Variants in FRK observed in about 807,000 individuals in gnomAD.
FRK encodes fyn related Src family tyrosine kinase.
A neutral mutation model predicts 56.4 loss-of-function variants in FRK; 51 were observed. The ratio of observed to expected loss-of-function variants is 0.90; its 90% confidence interval spans 0.72 to 1.14. The LOEUF is 1.14. FRK is among the 50% of genes most tolerant of loss of function. FRK has a pLI of 0.00. For synonymous variants in FRK, 245 were observed against 217.9 expected, an observed-to-expected ratio of 1.12 and a Z score of -1.10; for missense variants, 570 against 601.4, an observed-to-expected ratio of 0.95 and a Z score of 0.55.
At chr6:116,030,902 G>C (rs768395177) in intron 1 of FRK, among the ~76,000 whole-genome samples, 1 of 152,058 alleles carries the variant, frequency 6.6e-6, no homozygotes, top group Non-Finnish European at 1.5e-5. Flanking sequence ...TGCAGTAGAG[G>C]ACACTCCTGT....
chr6:115,973,227 G>A (rs1435316072), intron 2 of FRK, among the ~76,000 whole-genome samples: 2 of 152,082 alleles, frequency 1.3e-5, no homozygotes, highest in African/African-American at 2.4e-5. Flanking sequence ...TCAAATAGAG[G>A]ACTTCTATCA....
chr6:116,015,668 C>G (rs1489580793), intron 1 of FRK, among the ~76,000 whole-genome samples: 1 of 152,110 alleles, frequency 6.6e-6, no homozygotes, highest in Non-Finnish European at 1.5e-5. Flanking sequence ...ACAATGAATT[C>G]CAGGCTCAGT....
At chr6:115,991,964 T>C (rs1260761666) in intron 2 of FRK, among the ~76,000 whole-genome samples, 2 of 151,594 alleles carry the variant, frequency 1.3e-5, no homozygotes, top group South Asian at 2.1e-4. Flanking sequence ...TCATTATTGG[T>C]CTATTTTGGG....
chr6:115,943,579 C>A (rs1183680790), intron 6 of FRK, among the ~76,000 whole-genome samples: 10 of 150,418 alleles, frequency 6.6e-5, no homozygotes, highest in Admixed American at 1.3e-4. Flanking sequence ...TACCATGTAA[C>A]CACTTGCTAA....
chr6:116,039,184 G>T, intron 1 of FRK: 1 of 1,297,892 alleles, frequency 7.7e-7, no homozygotes, highest in Non-Finnish European at 1.1e-6. Flanking sequence ...GTTTGTTTTC[G>T]AGAAGAAAGA....
intron 1 of FRK, among the ~76,000 whole-genome samples, chr6:116,041,875 C>G (rs2114790618): frequency 6.6e-6 from 1 of 152,258 alleles, no homozygotes; most frequent in Non-Finnish European, 1.5e-5. Flanking sequence ...CCCAGTGGTG[C>G]CTGGATCACC....
rs77497212 is a variant in FRK at position 115,984,101 on chromosome 6, C to T, written c.467-15362G>A. On this transcript the variant is annotated intron_variant, in intron 2 of 7. Coordinates refer to ENST00000606080, the MANE Select transcript of FRK (RefSeq NM_002031.3). Reference sequence around the variant, plus strand: ...TCAGGCATCTCCTCCTTTATGAAACCGCCCAGTGTAAGCGAGCAGAGTAGC... The same window carrying T: ...TCAGGCATCTCCTCCTTTATGAAACTGCCCAGTGTAAGCGAGCAGAGTAGC... Among the ~76,000 whole-genome samples the T allele has an allele frequency of 5.1e-3, 772 of 152,166 alleles. 3 individuals are homozygous for T. Among genetic ancestry groups the T allele is most frequent in the African/African-American group, 0.017 (717 of 41,520 alleles).
chr6:116,011,394 C>T (rs1373607963), intron 1 of FRK, among the ~76,000 whole-genome samples: 1 of 151,932 alleles, frequency 6.6e-6, no homozygotes. Context: ...TTTATAATGT[C>T]TCCTTAAGAC....
chr6:116,088,179 A>G, the FRK span, among the ~76,000 whole-genome samples: 17 of 152,116 alleles, frequency 1.1e-4, no homozygotes, highest in Non-Finnish European at 1.8e-4. Flanking sequence ...TCTCTCCATT[A>G]ATTTACTGTT....
the FRK span, among the ~76,000 whole-genome samples, chr6:116,088,487 C>T: frequency 6.6e-6 from 1 of 152,278 alleles, no homozygotes; most frequent in South Asian, 2.1e-4. Flanking sequence ...AAGTTGAAAA[C>T]AAATGTCATA....
At chr6:116,005,183 C>T (rs1255117762) in intron 1 of FRK, among the ~76,000 whole-genome samples, 2 of 152,102 alleles carry the variant, frequency 1.3e-5, no homozygotes, top group African/African-American at 4.8e-5. Flanking sequence ...ATCATTTCCC[C>T]AATTATCAAA....
At chr6:115,996,196 T>C (rs912507861) in intron 2 of FRK, among the ~76,000 whole-genome samples, 1 of 152,150 alleles carries the variant, frequency 6.6e-6, no homozygotes, top group Non-Finnish European at 1.5e-5. Context: ...GGACATACAA[T>C]TGTCTTTACA....
intron 2 of FRK, among the ~76,000 whole-genome samples, chr6:115,997,514 T>C (rs1774887170): frequency 6.6e-6 from 1 of 152,036 alleles, no homozygotes; most frequent in Non-Finnish European, 1.5e-5. Context: ...ATTATTTCCC[T>C]TGGTTTCCTC....
At chr6:116,008,417 G>C (rs1041163639) in intron 1 of FRK, among the ~76,000 whole-genome samples, 1 of 152,096 alleles carries the variant, frequency 6.6e-6, no homozygotes, top group Non-Finnish European at 1.5e-5. Flanking sequence ...TTAATTCCTA[G>C]AATTTTACTT....
chr6:116,051,117 T>C (rs559163078), intron 1 of FRK, among the ~76,000 whole-genome samples: 2 of 152,296 alleles, frequency 1.3e-5, no homozygotes, highest in East Asian at 3.9e-4. Context: ...GCCAATGTGG[T>C]ATACAACATT....
chr6:116,063,036 A>C (rs1372777583), upstream of FRK, among the ~76,000 whole-genome samples: 1 of 152,084 alleles, frequency 6.6e-6, no homozygotes, highest in Non-Finnish European at 1.5e-5. Context: ...CACCAAGATG[A>C]GTGGTGTTCA....
chr6:115,999,437 A>G (rs1278580822), intron 2 of FRK, among the ~76,000 whole-genome samples: 1 of 152,182 alleles, frequency 6.6e-6, no homozygotes, highest in East Asian at 1.9e-4. Flanking sequence ...ACAGCCGTGC[A>G]GGGATCACAA....
chr6:115,934,685 A>C lies in FRK; in HGVS notation c.*7729T>G, dbSNP rs1772013178. The C allele has an allele frequency of 6.6e-6, 1 of 152,206 alleles. No individual in the cohort carries two copies. Among genetic ancestry groups the C allele is most frequent in the Non-Finnish European group, 1.5e-5 (1 of 68,040 alleles). The allele number at this position is 152,206 out of a possible 1,614,324, so 9.4% of individuals were successfully genotyped here. ...TTTGGGTTTCTGTAACTGTTTAGAT[A>C]GGCGCTTCTCCTTTAAAGAAAGGCA... On this transcript the variant is annotated 3_prime_UTR_variant, in exon 8 of 8. Coordinates refer to ENST00000606080, the MANE Select transcript of FRK (RefSeq NM_002031.3).
At chr6:115,969,840 C>T (rs1459568497) in intron 2 of FRK, among the ~76,000 whole-genome samples, 1 of 152,178 alleles carries the variant, frequency 6.6e-6, no homozygotes, top group Non-Finnish European at 1.5e-5. Flanking sequence ...CCTGGCTTTT[C>T]AGCTACAAGA....
Sources: allele counts gnomAD v4.1 joint callset (sites outside exome capture counted in the v4.1 genomes callset), GRCh38; gene constraint gnomAD v4.1.1; transcripts MANE v1.5; gene names NCBI Gene and HGNC (gene_info 2026-07-23, HGNC 2026-07-21).